RAPGEF5: variants seen among roughly 807,000 people sequenced by gnomAD.
RAPGEF5 encodes the protein Rap guanine nucleotide exchange factor 5, also known as M-Ras-regulated GEF.
Under a neutral mutation model 125.2 loss-of-function variants are expected in RAPGEF5, and 65 were observed. The ratio of observed to expected loss-of-function variants is 0.52; its 90% confidence interval spans 0.43 to 0.64. The LOEUF (loss-of-function observed/expected upper bound fraction) is 0.64. Among genes scored for constraint, RAPGEF5 ranks in the 30% least tolerant of loss-of-function variants. The pLI is 0.00. For synonymous variants in RAPGEF5, 391 were observed against 385.9 expected, an observed-to-expected ratio of 1.01 and a Z score of -0.16; for missense variants, 958 against 1,048.1, an observed-to-expected ratio of 0.91 and a Z score of 1.19.
chr7:22,313,202 T>C (rs1285277417), intron 3 of RAPGEF5, among the ~76,000 whole-genome samples: 1 of 152,234 alleles, frequency 6.6e-6, no homozygotes, highest in Non-Finnish European at 1.5e-5. Flanking sequence ...CTGTCTCTAG[T>C]TAGATTTTTA....
intron 7 of RAPGEF5, among the ~76,000 whole-genome samples, chr7:22,242,108 G>A (rs1365406537): frequency 6.6e-6 from 1 of 152,184 alleles, no homozygotes; most frequent in East Asian, 1.9e-4. Context: ...CTATGGGCCT[G>A]ATCTCCCTTG....
chr7:22,234,465 C>A (rs1021145603), intron 7 of RAPGEF5, among the ~76,000 whole-genome samples: 2 of 152,150 alleles, frequency 1.3e-5, no homozygotes, highest in Admixed American at 6.5e-5. Flanking sequence ...TCACTCTCTG[C>A]CAACACAAAC....
In RAPGEF5 at chr7:22,264,592, C is replaced by T. The variant is rs547895382; in HGVS notation, c.796+2372G>A. 4.6e-5 allele frequency among the ~76,000 whole-genome samples: 7 copies of T among 152,292 alleles called. No individual in the cohort carries two copies. The South Asian group carries it at 1.5e-3, about 32-fold the overall frequency. Reference sequence around the variant, plus strand: ...ACCTCTCTCAGCCTCATTCACTTGCCTCCTTGCAGTCTCTCGAACCCATCT... The same window carrying T: ...ACCTCTCTCAGCCTCATTCACTTGCTTCCTTGCAGTCTCTCGAACCCATCT... On this transcript the variant is annotated intron_variant, in intron 7 of 25. Transcript: ENST00000665637.
chr7:22,230,419 C>A lies in RAPGEF5; in HGVS notation c.870+427G>T, dbSNP rs1476558758. Among the ~76,000 whole-genome samples the A allele has an allele frequency of 2.0e-5, 3 of 152,214 alleles. No homozygotes were observed. In the East Asian group the frequency reaches 5.8e-4, roughly 29 times the overall value. ...TATATAAAGTTAACAGCTGGCAGCA[C>A]TAGGGTGTCCAAAGTTTTTATGGTG... On this transcript the variant is annotated intron_variant, in intron 8 of 25. Coordinates refer to ENST00000665637, the MANE Select transcript of RAPGEF5 (RefSeq NM_012294.5).
chr7:22,283,046 TACACACAC>T (rs71550469), intron 6 of RAPGEF5, among the ~76,000 whole-genome samples: 5 of 148,360 alleles, frequency 3.4e-5, no homozygotes, highest in South Asian at 2.1e-4. Flanking sequence ...TGTAAAAAAA[TACACACAC>T]ACACACACAC....
intron 1 of RAPGEF5, among the ~76,000 whole-genome samples, chr7:22,335,710 AAACAAC>A (rs367838254): frequency 0.072 from 9,935 of 137,538 alleles, 450 homozygotes; most frequent in African/African-American, 0.13. Context: ...AAAAACAACA[AAACAAC>A]AACAACAACA....
intron 7 of RAPGEF5, among the ~76,000 whole-genome samples, chr7:22,261,966 G>A (rs1782166373): frequency 6.6e-6 from 1 of 152,074 alleles, no homozygotes; most frequent in African/African-American, 2.4e-5. Flanking sequence ...GGGAAGAAAA[G>A]GCATAGAAAA....
In RAPGEF5 at chr7:22,233,361, T is replaced by C. The variant is rs140088954; in HGVS notation, c.797-2442A>G. On this transcript the variant is annotated intron_variant, in intron 7 of 25. Coordinates refer to ENST00000665637, the MANE Select transcript of RAPGEF5 (RefSeq NM_012294.5). ...TTATTTGAATTTTTGCTCTTTAAAG[T>C]GCTAATTTCAATGAAAATGAAGAAA... Among the ~76,000 whole-genome samples, 629 of 152,312 alleles carry C rather than the reference T, an allele frequency of 4.1e-3. 3 individuals carry two copies. The highest frequency in any genetic ancestry group is 6.9e-3 in the Non-Finnish European group (470 of 68,026).
intron 19 of RAPGEF5, among the ~76,000 whole-genome samples, chr7:22,145,699 C>A (rs1783412641): frequency 6.6e-6 from 1 of 152,174 alleles, no homozygotes; most frequent in African/African-American, 2.4e-5. Context: ...CTGGATCCCA[C>A]CCCTAGAACT....
chr7:22,252,646 T>C (rs946888134), intron 7 of RAPGEF5, among the ~76,000 whole-genome samples: 4 of 152,224 alleles, frequency 2.6e-5, no homozygotes, highest in African/African-American at 9.6e-5. Context: ...TCAGGAGAAA[T>C]CTGTGAAAAG....
chr7:22,248,518 A>G (rs1435790684), intron 7 of RAPGEF5, among the ~76,000 whole-genome samples: 1 of 152,158 alleles, frequency 6.6e-6, no homozygotes, highest in Admixed American at 6.6e-5. Context: ...GACCAGATGG[A>G]CACACCACTT....
chr7:22,335,716 C>CAA (rs1562534879), intron 1 of RAPGEF5, among the ~76,000 whole-genome samples: 12 of 61,340 alleles, frequency 2.0e-4, no homozygotes, highest in African/African-American at 2.4e-4. Context: ...AACAAAACAA[C>CAA]AACAACAACA....
intron 19 of RAPGEF5, among the ~76,000 whole-genome samples, chr7:22,145,939 G>A (rs1783423064): frequency 1.3e-5 from 2 of 151,932 alleles, no homozygotes; most frequent in Admixed American, 6.6e-5. Context: ...AGCAATAGAA[G>A]AGATTTGTTT....
At chr7:22,328,405 G>T (rs771411387) in intron 1 of RAPGEF5, among the ~76,000 whole-genome samples, 6 of 152,170 alleles carry the variant, frequency 3.9e-5, no homozygotes, top group Non-Finnish European at 8.8e-5. Context: ...TAGCTTCTTG[G>T]GACCAGAGTC....
intron 11 of RAPGEF5, among the ~76,000 whole-genome samples, chr7:22,186,618 C>T (rs62445370): frequency 0.041 from 6,282 of 152,214 alleles, 182 homozygotes; most frequent in Non-Finnish European, 0.059. Flanking sequence ...GCATTTAGAA[C>T]AGTGCCTATG....
At chr7:22,128,815 G>C (rs3807537) in intron 24 of RAPGEF5, among the ~76,000 whole-genome samples, 67,386 of 152,072 alleles carry the variant, frequency 0.44, 16,623 homozygotes, top group African/African-American at 0.65. Flanking sequence ...CGCTATGTGA[G>C]TGCTGTGTGC....
intron 21 of RAPGEF5, chr7:22,139,776 GGAACGAGCACT>G (rs1391723510): frequency 1.8e-5 from 7 of 385,010 alleles, no homozygotes; most frequent in Non-Finnish European, 2.9e-5. Context: ...GGACCAGCCT[GGAACGAGCACT>G]GCACTATCAG....
At position 22,119,731 on chromosome 7, in the gene RAPGEF5, C is replaced by T. The variant is rs113318977; in HGVS notation, c.*2675G>A. 10 of 152,260 alleles carry T rather than the reference C, an allele frequency of 6.6e-5. 1 individual carries two copies. The highest frequency in any genetic ancestry group is 2.4e-4 in the African/African-American group (10 of 41,534). 9.4% of individuals were successfully genotyped at this position (152,260 alleles called of 1,614,324 possible). On this transcript the variant is annotated 3_prime_UTR_variant, in exon 26 of 26. Transcript: ENST00000665637. The surrounding 1 kb of genome is among the most constrained non-coding windows in gnomAD (Gnocchi z 4.1). The stretch of plus-strand genomic sequence containing the variant: ...GATTACGTAAGATTTGCAGAGTGAG[C>T]GAAGATTTTATGCAATAATAAAACT...
chr7:22,150,637 G>C, intron 17 of RAPGEF5, 133 bp from the exon 18 acceptor site: 1 of 1,245,372 alleles, frequency 8.0e-7, no homozygotes, highest in Non-Finnish European at 1.1e-6. Flanking sequence ...ACTTAAAGTG[G>C]ATTAATTAAG....
Sources: gnomAD v4.1 joint callset for allele counts (sites outside exome capture counted in the v4.1 genomes callset) on GRCh38, gnomAD v4.1.1 for gene constraint, Gnocchi (gnomAD v3.1) non-coding constraint, MANE v1.5 for transcripts, NCBI Gene and HGNC (gene_info 2026-07-23, HGNC 2026-07-21) for gene names.